Variants in TFEC observed in about 807,000 individuals in gnomAD.
The protein encoded by TFEC is transcription factor EC, also known as class E basic helix-loop-helix protein 34.
Under a neutral mutation model 41.6 loss-of-function variants are expected in TFEC, and 31 were observed. The ratio of observed to expected loss-of-function variants is 0.74; its 90% CI spans 0.56 to 1.01. TFEC has a LOEUF of 1.01. Among genes scored for constraint, TFEC ranks in the 50% least tolerant of loss-of-function variants. The pLI is 0.00. For missense variants in TFEC, 402 were observed against 404.1 expected (o/e 0.99, Z 0.04); for synonymous variants, 143 against 140.6 (o/e 1.02, Z -0.12).
intron 1 of TFEC, among the ~76,000 whole-genome samples, chr7:116,024,259 T>C (rs1795505019): frequency 6.6e-6 from 1 of 152,168 alleles, no homozygotes; most frequent in Non-Finnish European, 1.5e-5. Flanking sequence ...TCTTCTACCC[T>C]TCTCCCTTGA....
At chr7:116,022,424 G>A (rs1235137849) in intron 1 of TFEC, among the ~76,000 whole-genome samples, 1 of 152,146 alleles carries the variant, frequency 6.6e-6, no homozygotes, top group East Asian at 1.9e-4. Context: ...TTTGGAATTA[G>A]CCCACCTAGT....
At chr7:115,971,162 A>T (rs1793116660) in intron 3 of TFEC, among the ~76,000 whole-genome samples, 1 of 152,004 alleles carries the variant, frequency 6.6e-6, no homozygotes, top group Admixed American at 6.6e-5. Context: ...GGGCTGTTCA[A>T]GCCACAGCTC....
chr7:116,096,013 A>C (rs1797445677), intron 3 of TFEC, among the ~76,000 whole-genome samples: 1 of 152,230 alleles, frequency 6.6e-6, no homozygotes, highest in Non-Finnish European at 1.5e-5. Flanking sequence ...TCCAGTACTA[A>C]CTACTTACTA....
intron 1 of TFEC, among the ~76,000 whole-genome samples, chr7:116,113,717 T>C (rs1443120709): frequency 6.6e-6 from 1 of 152,038 alleles, no homozygotes; most frequent in African/African-American, 2.4e-5. Context: ...TGAGCTCAAT[T>C]ATTAGTTAGG....
chr7:116,152,054 A>C (rs1333898689), intron 1 of TFEC, among the ~76,000 whole-genome samples: 1 of 152,134 alleles, frequency 6.6e-6, no homozygotes, highest in Non-Finnish European at 1.5e-5. Flanking sequence ...CATCTCTCCA[A>C]GTACACCTAG....
chr7:116,124,235 T>G (rs1436279704), intron 1 of TFEC, among the ~76,000 whole-genome samples: 2 of 152,010 alleles, frequency 1.3e-5, no homozygotes, highest in Non-Finnish European at 2.9e-5. Flanking sequence ...TTACTTTGGG[T>G]GCAGACAGTG....
In TFEC at chr7:115,941,874, G is replaced by T. The variant is rs369039953; in HGVS notation, c.663+19C>A. 6.2e-7 allele frequency: 1 copy of T among 1,612,366 alleles called. No homozygotes were observed. Among genetic ancestry groups the T allele is most frequent in the Non-Finnish European group, 8.5e-7 (1 of 1,179,116 alleles). ...TCATGTGTAAGCTATGTGACTCATG[G>T]CTACATTCTTATAAAAACCTGAATC... is the stretch of plus-strand genomic sequence containing the variant. On this transcript the variant is annotated intron_variant, in intron 7 of 7. Coordinates refer to ENST00000265440, the MANE Select transcript of TFEC (RefSeq NM_012252.4).
chr7:115,979,730 G>A (rs147961378), intron 2 of TFEC, among the ~76,000 whole-genome samples: 243 of 152,014 alleles, frequency 1.6e-3, no homozygotes, highest in African/African-American at 5.6e-3. Flanking sequence ...CTTCATCTAT[G>A]TATGTTATTC....
intron 3 of TFEC, among the ~76,000 whole-genome samples, chr7:116,052,518 TCC>T (rs1796334790): frequency 6.6e-6 from 1 of 152,016 alleles, no homozygotes; most frequent in Admixed American, 6.6e-5. Flanking sequence ...AACCTCCAGC[TCC>T]CGGGTTCCAG....
At chr7:116,111,455 C>A (rs565876159) in intron 2 of TFEC, among the ~76,000 whole-genome samples, 1 of 152,060 alleles carries the variant, frequency 6.6e-6, no homozygotes, top group African/African-American at 2.4e-5. Flanking sequence ...GTGACCCATA[C>A]ATCTCCCCGG....
chr7:116,134,507 C>A (rs1414081388), intron 1 of TFEC, among the ~76,000 whole-genome samples: 1 of 152,114 alleles, frequency 6.6e-6, no homozygotes, highest in Non-Finnish European at 1.5e-5. Flanking sequence ...TCAAACCCTT[C>A]CCTTTGGGTC....
intron 1 of TFEC, among the ~76,000 whole-genome samples, chr7:116,115,895 C>T (rs756725712): frequency 1.3e-5 from 2 of 151,926 alleles, no homozygotes; most frequent in Non-Finnish European, 2.9e-5. Flanking sequence ...TTATTACTCT[C>T]TACAGCCCTA....
At chr7:116,081,196 T>C (rs552817049) in intron 3 of TFEC, among the ~76,000 whole-genome samples, 1 of 151,764 alleles carries the variant, frequency 6.6e-6, no homozygotes, top group Non-Finnish European at 1.5e-5. Flanking sequence ...GAATTATACA[T>C]TGGACTTTGG....
At chr7:115,988,295 T>A (rs1161529454) in intron 1 of TFEC, among the ~76,000 whole-genome samples, 2 of 152,024 alleles carry the variant, frequency 1.3e-5, no homozygotes, top group Admixed American at 1.3e-4. Context: ...TTTTAAAAAC[T>A]ATGATTAATA....
intron 3 of TFEC, among the ~76,000 whole-genome samples, chr7:116,108,048 C>T (rs1027008258): frequency 4.6e-5 from 7 of 152,074 alleles, no homozygotes; most frequent in Non-Finnish European, 1.0e-4. Flanking sequence ...TCAGAATCTT[C>T]TACAACTTTT....
At position 116,050,933 on chromosome 7, in the gene TFEC, G is replaced by A. The variant is rs188900000; in HGVS notation, c.198+59775C>T. Among the ~76,000 whole-genome samples the A allele has an allele frequency of 3.3e-3, 509 of 152,342 alleles. 2 individuals carry two copies. Among genetic ancestry groups the A allele is most frequent in the South Asian group, 0.018 (85 of 4,828 alleles). ...CAATGATAGACTGGATTAAGAAAAT[G>A]TGGCACATACACACCATGGAATACT... On this transcript the variant is annotated intron_variant, in intron 3 of 8. Transcript: ENST00000484212.
intron 1 of TFEC, among the ~76,000 whole-genome samples, chr7:116,002,076 G>T (rs1231620967): frequency 6.6e-6 from 1 of 152,182 alleles, no homozygotes; most frequent in Non-Finnish European, 1.5e-5. Flanking sequence ...CCCTCTTCGT[G>T]GGAATGTAAG....
At chr7:116,133,784 C>T (rs763010390) in intron 1 of TFEC, among the ~76,000 whole-genome samples, 44 of 152,138 alleles carry the variant, frequency 2.9e-4, no homozygotes, top group Non-Finnish European at 5.3e-4. Flanking sequence ...CTGTAGTAAA[C>T]GCTAAAACTT....
chr7:115,950,780 C>A, intron 6 of TFEC, 94 bp downstream of exon 6: 1 of 898,968 alleles, frequency 1.1e-6, no homozygotes, highest in Non-Finnish European at 1.7e-6. Flanking sequence ...TGCTTAGTTT[C>A]CTAGTCATTG....
Sources: allele counts gnomAD v4.1 joint callset (sites outside exome capture counted in the v4.1 genomes callset), GRCh38; gene constraint gnomAD v4.1.1; transcripts MANE v1.5; gene names NCBI Gene and HGNC (gene_info 2026-07-23, HGNC 2026-07-21).